Variants in SMC5 observed in about 807,000 individuals in gnomAD.
The protein encoded by SMC5 is structural maintenance of chromosomes protein 5.
A neutral mutation model predicts 148.3 loss-of-function variants in SMC5; 88 were observed. That is an observed-to-expected ratio of 0.59 (90% CI 0.50 to 0.71). The LOEUF is 0.71. Ranked by LOEUF, SMC5 falls within the 30% of genes least tolerant of loss-of-function variation. The pLI, the probability that SMC5 is intolerant of heterozygous loss-of-function variation, is 0.00. For synonymous variants in SMC5, 421 were observed against 432.8 expected, an observed-to-expected ratio of 0.97 and a Z score of 0.34; for missense variants, 1,142 against 1,298.9, an observed-to-expected ratio of 0.88 and a Z score of 1.86.
chr9:70,314,052 A>G (rs540655643), intron 11 of SMC5, among the ~76,000 whole-genome samples: 8 of 152,248 alleles, frequency 5.3e-5, no homozygotes, highest in South Asian at 2.1e-4. Context: ...CTCATAGTTC[A>G]TGGGGCAGCC....
At chr9:70,267,815 G>C in intron 2 of SMC5, 108 bp from the exon 3 acceptor site, 1 of 901,410 alleles carries the variant, frequency 1.1e-6, no homozygotes, top group South Asian at 1.6e-5. Context: ...ACATACAAGT[G>C]GTACCTGAAA....
At chr9:70,290,795 T>C (rs2035036693) in intron 8 of SMC5, among the ~76,000 whole-genome samples, 1 of 152,200 alleles carries the variant, frequency 6.6e-6, no homozygotes, top group Admixed American at 6.5e-5. Context: ...AAACACACTC[T>C]GAGGCTTAAC....
chr9:70,345,225 T>G (rs1209804609), intron 18 of SMC5, among the ~76,000 whole-genome samples: 3 of 152,140 alleles, frequency 2.0e-5, no homozygotes, highest in Non-Finnish European at 4.4e-5. Context: ...TAAGTCATAC[T>G]GTTTTTGAAT....
intron 17 of SMC5, among the ~76,000 whole-genome samples, chr9:70,324,425 G>T (rs1448763284): frequency 6.6e-6 from 1 of 152,128 alleles, no homozygotes; most frequent in Non-Finnish European, 1.5e-5. Context: ...ACTTAAAACC[G>T]GAAGGAGAGC....
At chr9:70,323,688 G>GCA in intron 16 of SMC5, 82 bp downstream of exon 16, 2 of 1,297,046 alleles carry the variant, frequency 1.5e-6, no homozygotes, top group Non-Finnish European at 2.1e-6. Context: ...AGGGAGGGAA[G>GCA]GTTTTGATTA....
intron 8 of SMC5, chr9:70,286,926 A>C (rs921332233): frequency 3.9e-5 from 6 of 152,164 alleles, no homozygotes; most frequent in African/African-American, 1.4e-4. Context: ...CGTGATGCCC[A>C]GGTTGGCCTC....
intron 18 of SMC5, among the ~76,000 whole-genome samples, chr9:70,345,046 C>T (rs963201732): frequency 5.9e-5 from 9 of 151,860 alleles, no homozygotes; most frequent in Non-Finnish European, 8.8e-5. Context: ...AGAATGGATT[C>T]GACTAATTGG....
At chr9:70,326,612 T>A (rs7862493) in intron 17 of SMC5, among the ~76,000 whole-genome samples, 4 of 149,388 alleles carry the variant, frequency 2.7e-5, no homozygotes, top group African/African-American at 7.4e-5. Flanking sequence ...TTTTTTTTTT[T>A]AATTTTTTTT....
chr9:70,295,328 G>A (rs931700526), intron 8 of SMC5, among the ~76,000 whole-genome samples: 9 of 151,830 alleles, frequency 5.9e-5, no homozygotes, highest in Non-Finnish European at 7.4e-5. Flanking sequence ...AAAATTAGCC[G>A]GGCGTGGTGG....
At chr9:70,297,909 G>A (rs1277895003) in intron 8 of SMC5, 57 bp from the exon 9 acceptor site, 2 of 1,548,870 alleles carry the variant, frequency 1.3e-6, no homozygotes, top group Non-Finnish European at 1.7e-6. Context: ...TACTACAGAA[G>A]TCTTATAAAC....
At chr9:70,345,017 T>C (rs912084130) in intron 18 of SMC5, among the ~76,000 whole-genome samples, 1 of 152,116 alleles carries the variant, frequency 6.6e-6, no homozygotes, top group African/African-American at 2.4e-5. Context: ...TTTTATGATA[T>C]CAGACACAGA....
At position 70,259,016 on chromosome 9, in the gene SMC5, T is replaced by TTGGGCGCC. The variant is rs2034003305; in HGVS notation, c.-57_-50dup. 17 of 1,502,926 alleles carry TTGGGCGCC rather than the reference T, an allele frequency of 1.1e-5. No individual in the cohort carries two copies. Among genetic ancestry groups the TTGGGCGCC allele is most frequent in the Middle Eastern group, 2.0e-4 (1 of 5,064 alleles). The allele number at this position is 1,502,926 out of a possible 1,614,324, so 93.1% of individuals were successfully genotyped here. A position where few individuals can be genotyped will look rare whatever the true frequency, so the allele number is the denominator to read the frequency against. On this transcript the variant is annotated 5_prime_UTR_variant, in exon 1 of 25. An upstream open reading frame in the 5' UTR gains an earlier in-frame stop. Transcript: ENST00000361138. ...GCGGGGCGCCTGGGTGGATGGGCGC[T>TTGGGCGCC]TGGGCGCCTGGGCTGCCGGACGGTG... is the stretch of plus-strand genomic sequence containing the variant.
chr9:70,340,363 T>C (rs1462793585), intron 17 of SMC5, among the ~76,000 whole-genome samples: 1 of 152,030 alleles, frequency 6.6e-6, no homozygotes. Context: ...TATTTTATTG[T>C]TTATGATTAA....
intron 17 of SMC5, among the ~76,000 whole-genome samples, chr9:70,340,750 T>G (rs1454967587): frequency 6.6e-6 from 1 of 152,156 alleles, no homozygotes. Context: ...TAAGAAATTC[T>G]GTGAATAATT....
chr9:70,264,459 A>C lies in SMC5; in HGVS notation c.327+14A>C, dbSNP rs771165176. On this transcript the variant is annotated intron_variant, in intron 2 of 24. Coordinates refer to ENST00000361138, the MANE Select transcript of SMC5 (RefSeq NM_015110.4). ...CGAGCAGATAAGGTGAGTTAATATAATTACTTTTTAAGAAATTTCAAACCT... is the reference window on the plus strand; with the variant it reads ...CGAGCAGATAAGGTGAGTTAATATACTTACTTTTTAAGAAATTTCAAACCT... 6.2e-7 allele frequency: 1 copy of C among 1,610,540 alleles called. No individual in the cohort carries two copies. Among genetic ancestry groups the C allele is most frequent in the Non-Finnish European group, 8.5e-7 (1 of 1,178,802 alleles).
In SMC5 at chr9:70,324,091, A is replaced by G; in HGVS notation, c.2345A>G (p.Asn782Ser). 6.2e-7 allele frequency: 1 copy of G among 1,602,844 alleles called. No homozygotes were observed. Among genetic ancestry groups the G allele is most frequent in the Non-Finnish European group, 8.5e-7 (1 of 1,178,070 alleles). ...AATACTACAGTGATCTCTGAGAAGA[A>G]CAAATTAGAATCAGATTATATGGCC... The part of the protein sequence containing the change: ...LQNTTVISEK[N>S]KLESDYMAAS... Residue 782 changes from asparagine (N) to serine (S), a missense_variant, in exon 17 of 25, where the codon AAC becomes AGC. This residue lies in a region of SMC5 where 743 missense variants were observed against 835.7 expected (regional missense o/e 0.89). Coordinates refer to ENST00000361138, the MANE Select transcript of SMC5 (RefSeq NM_015110.4).
intron 22 of SMC5, 58 bp downstream of exon 22, chr9:70,348,096 AAAG>A (rs1251000789): frequency 7.7e-7 from 1 of 1,302,176 alleles, no homozygotes; most frequent in African/African-American, 1.6e-5. Context: ...TTATATGCTT[AAAG>A]TACATATAAA....
At chr9:70,268,513 T>G (rs2034355214) in intron 3 of SMC5, among the ~76,000 whole-genome samples, 1 of 150,790 alleles carries the variant, frequency 6.6e-6, no homozygotes, top group South Asian at 2.1e-4. Context: ...AAGGAAATGA[T>G]AAGTTTATAG....
chr9:70,299,968 C>A, intron 9 of SMC5, 78 bp from the exon 10 acceptor site: 1 of 1,348,284 alleles, frequency 7.4e-7, no homozygotes, highest in African/African-American at 1.5e-5. Flanking sequence ...CTAGGGTATT[C>A]TTTTGTGTTA....
Sources: gnomAD v4.1 joint callset for allele counts (sites outside exome capture counted in the v4.1 genomes callset) on GRCh38, gnomAD v4.1.1 for gene constraint, gnomAD v4.1.1 regional missense constraint, MANE v1.5 for transcripts, NCBI Gene and HGNC (gene_info 2026-07-23, HGNC 2026-07-21) for gene names.